The following ANK3 variants were observed in gnomAD, a reference collection of about 807,000 sequenced individuals.
The protein encoded by ANK3 is ankyrin-3.
Under a neutral mutation model 370.9 loss-of-function variants are expected in ANK3, and 57 were observed. That is an observed-to-expected ratio of 0.15 (90% CI 0.12 to 0.19). The LOEUF (loss-of-function observed/expected upper bound fraction) is 0.19. ANK3 is among the 10% of genes least tolerant of loss of function. The pLI is 1.00. For synonymous variants in ANK3, 1,929 were observed against 1,946.3 expected (o/e 0.99, Z 0.23); for missense variants, 4,439 against 5,302.1 (o/e 0.84, Z 5.06).
At chr10:60,231,476 T>G (rs76028760) in intron 8 of ANK3, among the ~76,000 whole-genome samples, 194 of 152,282 alleles carry the variant, frequency 1.3e-3, no homozygotes, top group African/African-American at 4.4e-3. Flanking sequence ...CAATAGTAAG[T>G]ACTTGGTGGG....
rs1379152478 is a variant in ANK3, at chr10:60,074,469, G to A, written c.6412C>T (p.Pro2138Ser). Reference sequence around the variant, plus strand: ...CTTTCAGCGCTTTGTGGGGCTGAAGGTGTCTTTTCACTTCTTGTTTCAAAG... The same window carrying A: ...CTTTCAGCGCTTTGTGGGGCTGAAGATGTCTTTTCACTTCTTGTTTCAAAG... The part of the protein sequence containing the change: ...SGFETRSEKT[P>S]SAPQSAESTG... The change falls in exon 37 of 44, where the codon CCT (proline) becomes TCT (serine). Residue 2138 changes from proline to serine, a missense_variant. Around this residue, in one of 13 missense-constraint regions of ANK3, gnomAD observed 7 missense variants for 26.9 expected, o/e 0.26. Coordinates refer to ENST00000280772, the MANE Select transcript of ANK3 (RefSeq NM_020987.5). The A allele has an allele frequency of 6.2e-7, 1 of 1,613,888 alleles. No homozygotes were observed. The highest frequency in any genetic ancestry group is 2.2e-5 in the East Asian group (1 of 44,892).
Position 60,300,977 on chromosome 10 carries a change from G to A in ANK3, c.115-21338C>T, listed in dbSNP as rs551463674. Among the ~76,000 whole-genome samples, 268 of 151,552 alleles carry A rather than the reference G, an allele frequency of 1.8e-3. 1 individual carries two copies. Among genetic ancestry groups the A allele is most frequent in the African/African-American group, 5.9e-3 (244 of 41,262 alleles). On this transcript the variant is annotated intron_variant, in intron 1 of 43. Transcript: ENST00000280772. Reference sequence around the variant, plus strand: ...CACTCTGAGGGCATACTTTACTGCCGAGGAGAGTTACTTTACTAAACCAAT... The same window carrying A: ...CACTCTGAGGGCATACTTTACTGCCAAGGAGAGTTACTTTACTAAACCAAT...
chr10:60,672,337 T>C (rs1378929363), intron 1 of ANK3, among the ~76,000 whole-genome samples: 1 of 152,140 alleles, frequency 6.6e-6, no homozygotes, highest in Non-Finnish European at 1.5e-5. Flanking sequence ...CTAAATGGGG[T>C]CTGATCACTG....
chr10:60,310,858 T>C (rs1012582919), intron 1 of ANK3, among the ~76,000 whole-genome samples: 1 of 152,164 alleles, frequency 6.6e-6, no homozygotes, highest in African/African-American at 2.4e-5. Flanking sequence ...TTCAACTCTA[T>C]AAATCAAAAG....
At chr10:60,235,799 A>G (rs1188715450) in intron 7 of ANK3, among the ~76,000 whole-genome samples, 1 of 152,188 alleles carries the variant, frequency 6.6e-6, no homozygotes, top group Non-Finnish European at 1.5e-5. Flanking sequence ...TTATGTATTT[A>G]TAATTCGATA....
chr10:60,676,105 A>G (rs2079121695), intron 1 of ANK3, among the ~76,000 whole-genome samples: 1 of 151,240 alleles, frequency 6.6e-6, no homozygotes, highest in Non-Finnish European at 1.5e-5. Flanking sequence ...AGGCTTATTT[A>G]ATTTTAAGAT....
intron 1 of ANK3, among the ~76,000 whole-genome samples, chr10:60,643,578 C>T (rs1230108352): frequency 5.9e-5 from 9 of 151,750 alleles, no homozygotes; most frequent in African/African-American, 2.2e-4. Flanking sequence ...TTCTAGAGAA[C>T]CCTAATACAC....
At chr10:60,431,142 ATAATG>A in intron 2 of ANK3, among the ~76,000 whole-genome samples, 1 of 152,308 alleles carries the variant, frequency 6.6e-6, no homozygotes, top group Non-Finnish European at 1.5e-5. Context: ...ACAACTCACC[ATAATG>A]TAGTCAGTGG....
At chr10:60,140,676 CCTT>C in intron 23 of ANK3, 1 of 1,286,410 alleles carries the variant, frequency 7.8e-7, no homozygotes, top group Non-Finnish European at 9.8e-7. Flanking sequence ...TTTTAAAGCT[CCTT>C]CTGATTGGAT....
chr10:60,545,900 G>A (rs957548780), intron 2 of ANK3, among the ~76,000 whole-genome samples: 1 of 152,158 alleles, frequency 6.6e-6, no homozygotes, highest in African/African-American at 2.4e-5. Flanking sequence ...GTTTTCAGAA[G>A]GAGGCCTCAG....
At chr10:60,119,883 A>T (rs184578082) in intron 25 of ANK3, among the ~76,000 whole-genome samples, 37 of 152,328 alleles carry the variant, frequency 2.4e-4, no homozygotes, top group African/African-American at 8.9e-4. Context: ...CAGTATGTCC[A>T]TACTGCCCAA....
chr10:60,628,799 T>A (rs879709784), intron 1 of ANK3, among the ~76,000 whole-genome samples: 5 of 152,218 alleles, frequency 3.3e-5, no homozygotes, highest in Non-Finnish European at 7.3e-5. Flanking sequence ...GTCATAACAC[T>A]TTTCCCACTT....
At chr10:60,405,564 C>G (rs2063438125) in intron 2 of ANK3, among the ~76,000 whole-genome samples, 1 of 152,128 alleles carries the variant, frequency 6.6e-6, no homozygotes, top group Non-Finnish European at 1.5e-5. Context: ...TCAAAAAGAT[C>G]TGTGTTACCA....
intron 2 of ANK3, among the ~76,000 whole-genome samples, chr10:60,543,896 T>C (rs947673057): frequency 5.3e-5 from 8 of 151,922 alleles, no homozygotes; most frequent in Admixed American, 3.3e-4. Context: ...TCTAAACTTC[T>C]ATAGGACATA....
chr10:60,701,630 G>A (rs1041791881), intron 1 of ANK3, among the ~76,000 whole-genome samples: 3 of 152,138 alleles, frequency 2.0e-5, no homozygotes, highest in Non-Finnish European at 4.4e-5. Context: ...CAGCAAGATG[G>A]GGTAAGTATG....
intron 1 of ANK3, among the ~76,000 whole-genome samples, chr10:60,724,286 G>A (rs1040411404): frequency 6.7e-6 from 1 of 149,868 alleles, no homozygotes; most frequent in Non-Finnish European, 1.5e-5. Flanking sequence ...GCTGATCTAC[G>A]GTGGACTTTT....
rs189746078 is a variant in ANK3 at position 60,278,559 on chromosome 10, A to G, written c.414+215T>C. 1.2e-4 allele frequency among the ~76,000 whole-genome samples: 19 copies of G among 152,100 alleles called. No individual in the cohort carries two copies. The East Asian group carries it at 3.1e-3, about 25-fold the overall frequency. ...CTAATTTTTTTTATTTTTAGTAGAG[A>G]CAGGATTTCACCATGTTGGCCAGGC... On this transcript the variant is annotated intron_variant, in intron 4 of 43. Transcript: ENST00000280772.
In ANK3 at chr10:60,179,809, A is replaced by G. The variant is rs2096095862; in HGVS notation, c.2184+1520T>C. ...GTGCAAATGGAAAACAGATGGAGGCAGCACAGTACTTGTTTCTCTCCTCCC... is the reference window on the plus strand; with the variant it reads ...GTGCAAATGGAAAACAGATGGAGGCGGCACAGTACTTGTTTCTCTCCTCCC... On this transcript the variant is annotated intron_variant, in intron 18 of 43. Coordinates refer to ENST00000280772, the MANE Select transcript of ANK3 (RefSeq NM_020987.5). Among the ~76,000 whole-genome samples the G allele has an allele frequency of 2.6e-5, 4 of 152,178 alleles. No homozygotes were observed. The South Asian group carries it at 8.3e-4, about 31-fold the overall frequency.
At chr10:60,185,019 G>A (rs1389591166) in intron 17 of ANK3, among the ~76,000 whole-genome samples, 1 of 151,916 alleles carries the variant, frequency 6.6e-6, no homozygotes, top group Admixed American at 6.6e-5. Context: ...TCTCTAAATT[G>A]GTATATAAAA....
Sources: allele counts gnomAD v4.1 joint callset (sites outside exome capture counted in the v4.1 genomes callset), GRCh38; gene constraint gnomAD v4.1.1; regional missense constraint gnomAD v4.1.1; transcripts MANE v1.5; gene names NCBI Gene and HGNC (gene_info 2026-07-23, HGNC 2026-07-21).